Variants in ZNF717 observed in about 807,000 individuals in gnomAD.
ZNF717 encodes krueppel-like factor X17.
ZNF717 carries 9 observed loss-of-function variants against 13.8 expected under a neutral mutation model. The ratio of observed to expected loss-of-function variants is 0.65; its 90% CI spans 0.39 to 1.14. The LOEUF (loss-of-function observed/expected upper bound fraction) is 1.14, where lower values mean the gene tolerates loss of function less well. ZNF717 is among the 50% of genes most tolerant of loss of function. The pLI is 0.01. For missense variants in ZNF717, 1,040 were observed against 1,080.7 expected (o/e 0.96, Z 0.53); for synonymous variants, 327 against 364.1 (o/e 0.90, Z 1.16).
chr3:75,764,437 C>G (rs1425112478), intron 2 of ZNF717, among the ~76,000 whole-genome samples: 1 of 152,186 alleles, frequency 6.6e-6, no homozygotes, highest in African/African-American at 2.4e-5. Flanking sequence ...ATAACATAAT[C>G]TATACCATGC....
At chr3:75,717,005 C>T (rs1391563105) in intron 4 of ZNF717, among the ~76,000 whole-genome samples, 1 of 152,202 alleles carries the variant, frequency 6.6e-6, no homozygotes, top group Non-Finnish European at 1.5e-5. Flanking sequence ...CAGTTCAGCA[C>T]ACAATTGCAG....
chr3:75,694,846 T>TTCAAAAAGTGTACC (rs1937588451), intron 6 of ZNF717, among the ~76,000 whole-genome samples: 1 of 152,160 alleles, frequency 6.6e-6, no homozygotes, highest in Non-Finnish European at 1.5e-5. Context: ...ACCACAGACG[T>TTCAAAAAGTGTACC]ACAAAAAGTA....
At chr3:75,742,339 A>AAG (rs751643617) in intron 2 of ZNF717, among the ~76,000 whole-genome samples, 2,618 of 137,204 alleles carry the variant, frequency 0.019, 139 homozygotes, top group African/African-American at 0.067. Context: ...AAAAAAAAAA[A>AAG]GAATAAAATT....
At chr3:75,775,594 T>C (rs145204157) in intron 2 of ZNF717, among the ~76,000 whole-genome samples, 1 of 152,112 alleles carries the variant, frequency 6.6e-6, no homozygotes, top group East Asian at 1.9e-4. Flanking sequence ...GTGGCTCACG[T>C]CTGCAATCCC....
chr3:75,710,191 G>A (rs76704450), exon 6 of ZNF717: 1 of 152,354 alleles, frequency 6.6e-6, no homozygotes, highest in Admixed American at 6.5e-5. Context: ...GAAGTAAATA[G>A]TAATAGGACA....
rs143840895 is a variant in ZNF717, at chr3:75,745,156, G to GT, written c.58-3421dup. On this transcript the variant is annotated intron_variant, in intron 2 of 4. Coordinates refer to ENST00000652011, the MANE Select transcript of ZNF717 (RefSeq NM_001290208.3). ...CACAACACTGCTGCTGTGGTCTGTTGTTTTTTTTTTTCTTTCTGTCTTTTT... is the reference window on the plus strand; with the variant it reads ...CACAACACTGCTGCTGTGGTCTGTTGTTTTTTTTTTTTCTTTCTGTCTTTTT... Among the ~76,000 whole-genome samples the GT allele has an allele frequency of 6.4e-3, 828 of 130,206 alleles. 8 individuals are homozygous for GT. Among genetic ancestry groups the GT allele is most frequent in the African/African-American group, 0.022 (797 of 35,568 alleles). The allele number at this position is 130,206 out of a possible 152,430, so 85.4% of individuals were successfully genotyped here. A position where few individuals can be genotyped will look rare whatever the true frequency, so the allele number is the denominator to read the frequency against.
chr3:75,702,748 G>T (rs1262054084), intron 6 of ZNF717, among the ~76,000 whole-genome samples: 4 of 152,258 alleles, frequency 2.6e-5, no homozygotes, highest in Non-Finnish European at 5.9e-5. Flanking sequence ...CACCAACTAT[G>T]TACCCACAAA....
intron 2 of ZNF717, among the ~76,000 whole-genome samples, chr3:75,749,787 C>A (rs1941540599): frequency 6.6e-6 from 1 of 151,688 alleles, no homozygotes; most frequent in South Asian, 2.1e-4. Flanking sequence ...ATGTTGATAC[C>A]TCACATAAGA....
At chr3:75,756,158 TG>T (rs1942454138) in intron 2 of ZNF717, among the ~76,000 whole-genome samples, 1 of 152,276 alleles carries the variant, frequency 6.6e-6, no homozygotes, top group Non-Finnish European at 1.5e-5. Context: ...GAATCTGTAA[TG>T]GTGATCTGTA....
At chr3:75,728,888 G>C (rs1243627776), downstream of ZNF717, among the ~76,000 whole-genome samples, 1 of 152,138 alleles carries the variant, frequency 6.6e-6, no homozygotes, top group African/African-American at 2.4e-5. Flanking sequence ...AACAGGGAGG[G>C]GGAACAATCA....
chr3:75,756,666 TTTTC>T (rs758401965), intron 2 of ZNF717, among the ~76,000 whole-genome samples: 52 of 151,612 alleles, frequency 3.4e-4, no homozygotes, highest in Admixed American at 5.2e-4. Context: ...TAACTCTCCT[TTTTC>T]TTTTTTTTTT....
intron 1 of ZNF717, 105 bp from the exon 2 acceptor site, chr3:75,783,469 T>G: frequency 1.2e-6 from 1 of 868,626 alleles, no homozygotes; most frequent in Non-Finnish European, 1.8e-6. Flanking sequence ...AAAGCCCTCC[T>G]CCCTCCTGAA....
downstream of ZNF717, among the ~76,000 whole-genome samples, chr3:75,731,000 G>A (rs1241408413): frequency 6.6e-6 from 1 of 152,292 alleles, no homozygotes; most frequent in African/African-American, 2.4e-5. Flanking sequence ...CAGCACTTTG[G>A]GAGACCGAGG....
At chr3:75,780,183 C>T (rs1303196413) in intron 2 of ZNF717, among the ~76,000 whole-genome samples, 15 of 151,762 alleles carry the variant, frequency 9.9e-5, no homozygotes, top group Non-Finnish European at 2.2e-4. Context: ...AACTGGAACC[C>T]AAAACAATGG....
At chr3:75,764,767 A>C (rs1943297650) in intron 2 of ZNF717, among the ~76,000 whole-genome samples, 1 of 152,144 alleles carries the variant, frequency 6.6e-6, no homozygotes, top group Non-Finnish European at 1.5e-5. Flanking sequence ...AGTGCAGGTG[A>C]AACTGAAACC....
rs139088834 is a variant in ZNF717 at position 75,771,204 on chromosome 3, C to T, written c.57+12102G>A. ...CAGCTGTGTTCAAATAAGGCAAATG[C>T]TAAGCACTGTAACCAGTCCAGTTGT... On this transcript the variant is annotated intron_variant, in intron 2 of 4. Coordinates refer to ENST00000652011, the MANE Select transcript of ZNF717 (RefSeq NM_001290208.3). Among the ~76,000 whole-genome samples, 109 of 152,310 alleles carry T rather than the reference C, an allele frequency of 7.2e-4. No individual in the cohort carries two copies. The East Asian group carries it at 0.019, about 26-fold the overall frequency.
chr3:75,712,014 T>G, intron 5 of ZNF717, among the ~76,000 whole-genome samples: 1 of 152,270 alleles, frequency 6.6e-6, no homozygotes, highest in Non-Finnish European at 1.5e-5. Context: ...TCAAGTTATG[T>G]TGGAGTAAAA....
intron 4 of ZNF717, among the ~76,000 whole-genome samples, chr3:75,722,091 CAAAAAA>C (rs3035116): frequency 3.6e-5 from 5 of 137,906 alleles, no homozygotes; most frequent in African/African-American, 8.1e-5. Context: ...ACTAAAAATA[CAAAAAA>C]AAAAAAAAAA....
chr3:75,746,725 G>GT lies in ZNF717; in HGVS notation c.58-4990dup, dbSNP rs201925849. Among the ~76,000 whole-genome samples, 36 of 151,842 alleles carry GT rather than the reference G, an allele frequency of 2.4e-4. No individual in the cohort carries two copies. The East Asian group carries it at 6.2e-3, about 26-fold the overall frequency. ...ATATCCTTCGCCCACTTGTTGATGG[G>GT]TTTTTTCTTGTAAATTTGAGTTCTT... On this transcript the variant is annotated intron_variant, in intron 2 of 4. Transcript: ENST00000652011.
Sources: gnomAD v4.1 joint callset for allele counts (sites outside exome capture counted in the v4.1 genomes callset) on GRCh38, gnomAD v4.1.1 for gene constraint, MANE v1.5 for transcripts, NCBI Gene and HGNC (gene_info 2026-07-23, HGNC 2026-07-21) for gene names.